ANAPC10: variants seen among roughly 807,000 people sequenced by gnomAD.
ANAPC10 encodes the protein anaphase-promoting complex subunit 10.
Under a neutral mutation model 22.0 loss-of-function variants are expected in ANAPC10, and 12 were observed. That is an observed-to-expected ratio of 0.55 (90% confidence interval 0.35 to 0.88). The LOEUF is 0.88. Among genes scored for constraint, ANAPC10 ranks in the 40% least tolerant of loss-of-function variants. ANAPC10 has a pLI of 0.01. For missense variants in ANAPC10, 188 were observed against 220.9 expected, an observed-to-expected ratio of 0.85 and a Z score of 0.94; for synonymous variants, 65 against 69.5, an observed-to-expected ratio of 0.94 and a Z score of 0.32.
At chr4:145,064,850 A>C (rs1743440621) in intron 3 of ANAPC10, among the ~76,000 whole-genome samples, 158 bp from the exon 4 acceptor site, 1 of 151,968 alleles carries the variant, frequency 6.6e-6, no homozygotes, top group South Asian at 2.1e-4. Context: ...AAATGTAAAA[A>C]TATAGGTCCA....
intron 4 of ANAPC10, among the ~76,000 whole-genome samples, chr4:145,048,639 T>C (rs1327364017): frequency 2.0e-5 from 3 of 152,060 alleles, no homozygotes; most frequent in Admixed American, 2.0e-4. Context: ...TATAGGTCCA[T>C]GGATACTAAG....
At chr4:145,075,807 T>C (rs1745110511) in intron 3 of ANAPC10, among the ~76,000 whole-genome samples, 1 of 152,152 alleles carries the variant, frequency 6.6e-6, no homozygotes, top group South Asian at 2.1e-4. Context: ...CCAGCCTGTG[T>C]GGAGCCCAGA....
At chr4:145,052,529 G>A (rs962802092) in intron 4 of ANAPC10, among the ~76,000 whole-genome samples, 1 of 152,046 alleles carries the variant, frequency 6.6e-6, no homozygotes, top group Non-Finnish European at 1.5e-5. Flanking sequence ...TATTTTTGTT[G>A]TTACTGGTTA....
intron 4 of ANAPC10, among the ~76,000 whole-genome samples, chr4:145,011,524 C>T (rs895568498): frequency 2.0e-5 from 3 of 151,830 alleles, no homozygotes; most frequent in African/African-American, 7.3e-5. Flanking sequence ...GACCAGGATT[C>T]GAGGGAGGAG....
chr4:145,096,233 A>C (rs771776475), intron 1 of ANAPC10, 122 bp from the exon 2 acceptor site: 71 of 1,011,322 alleles, frequency 7.0e-5, no homozygotes, highest in Non-Finnish European at 9.8e-5. Flanking sequence ...TATTCTGAAG[A>C]ATGCAGTTAA....
intron 4 of ANAPC10, among the ~76,000 whole-genome samples, chr4:145,046,792 T>TA (rs370252588): frequency 4.3e-4 from 66 of 151,860 alleles, no homozygotes; most frequent in African/African-American, 1.5e-3. Flanking sequence ...ATATCAACCT[T>TA]AAAAAAAACA....
chr4:145,008,976 G>A (rs970475629), intron 4 of ANAPC10, among the ~76,000 whole-genome samples: 2 of 152,158 alleles, frequency 1.3e-5, no homozygotes, highest in African/African-American at 4.8e-5. Context: ...AAGCTGATAA[G>A]CAACTTCAGC....
intron 4 of ANAPC10, among the ~76,000 whole-genome samples, chr4:145,001,682 A>C (rs1732591947): frequency 1.3e-5 from 2 of 152,130 alleles, no homozygotes; most frequent in Non-Finnish European, 2.9e-5. Flanking sequence ...ATCACTCAAT[A>C]TTCTTTCGTT....
intron 4 of ANAPC10, among the ~76,000 whole-genome samples, chr4:145,044,791 C>A (rs1740048650): frequency 6.6e-6 from 1 of 151,970 alleles, no homozygotes; most frequent in Admixed American, 6.6e-5. Flanking sequence ...ATCTTAGTGA[C>A]ACACTATAGT....
intron 4 of ANAPC10, among the ~76,000 whole-genome samples, chr4:145,024,860 AG>A (rs750450406): frequency 1.3e-5 from 2 of 152,224 alleles, no homozygotes; most frequent in East Asian, 3.8e-4. Context: ...TAGCTATGGA[AG>A]TCGTAGTTGG....
chr4:145,007,678 G>A lies in ANAPC10; in HGVS notation c.328-12075C>T, dbSNP rs147396741. On this transcript the variant is annotated intron_variant, in intron 4 of 4. Transcript: ENST00000507656. ...GAATCTCTGGGACACATTTAAAGCA[G>A]TGTGTAGAGGGAAATTTATAGCACT... is the stretch of plus-strand genomic sequence containing the variant. 8.1e-3 allele frequency among the ~76,000 whole-genome samples: 1,229 copies of A among 152,230 alleles called. 20 individuals carry two copies. The highest frequency in any genetic ancestry group is 0.028 in the African/African-American group (1,146 of 41,540).
chr4:145,061,722 A>T (rs1402893381), intron 4 of ANAPC10, among the ~76,000 whole-genome samples: 1 of 152,222 alleles, frequency 6.6e-6, no homozygotes, highest in Non-Finnish European at 1.5e-5. Context: ...GAAATTTTTA[A>T]TAAAATACAA....
intron 3 of ANAPC10, among the ~76,000 whole-genome samples, chr4:145,067,842 T>A (rs1743933281): frequency 6.6e-6 from 1 of 152,186 alleles, no homozygotes; most frequent in Non-Finnish European, 1.5e-5. Context: ...CCAACTTCCC[T>A]TAAAGTTAGG....
At chr4:145,046,706 A>T (rs535302599) in intron 4 of ANAPC10, among the ~76,000 whole-genome samples, 3 of 152,188 alleles carry the variant, frequency 2.0e-5, no homozygotes, top group African/African-American at 4.8e-5. Context: ...TAATTTTTTT[A>T]AAAATCCAAA....
chr4:145,068,679 A>AGGC (rs1744051059), intron 3 of ANAPC10, among the ~76,000 whole-genome samples: 1 of 152,220 alleles, frequency 6.6e-6, no homozygotes, highest in Non-Finnish European at 1.5e-5. Flanking sequence ...TGGGAGGCTG[A>AGGC]GGCAGGCAGA....
chr4:145,016,514 A>T (rs1368357251), intron 4 of ANAPC10, among the ~76,000 whole-genome samples: 1 of 152,362 alleles, frequency 6.6e-6, no homozygotes, highest in Middle Eastern at 3.4e-3. Flanking sequence ...ATGGATAGGA[A>T]GAATCAATAT....
At chr4:145,064,924 G>T (rs1000275477) in intron 3 of ANAPC10, among the ~76,000 whole-genome samples, 1 of 151,890 alleles carries the variant, frequency 6.6e-6, no homozygotes, top group African/African-American at 2.4e-5. Flanking sequence ...GTAGAACATG[G>T]TCAAGAGCCA....
chr4:145,011,410 T>C (rs970373040), intron 4 of ANAPC10, among the ~76,000 whole-genome samples: 7 of 131,560 alleles, frequency 5.3e-5, no homozygotes, highest in African/African-American at 1.5e-4. Context: ...ATGGAGTAGT[T>C]TGTGGCAAGC....
At chr4:145,027,275 A>G (rs1474966268) in intron 4 of ANAPC10, among the ~76,000 whole-genome samples, 1 of 151,684 alleles carries the variant, frequency 6.6e-6, no homozygotes, top group Non-Finnish European at 1.5e-5. Flanking sequence ...GAGTGCTGAG[A>G]TTACAGGCGT....
Sources: gnomAD v4.1 joint callset for allele counts (sites outside exome capture counted in the v4.1 genomes callset) on GRCh38, gnomAD v4.1.1 for gene constraint, MANE v1.5 for transcripts, NCBI Gene and HGNC (gene_info 2026-07-23, HGNC 2026-07-21) for gene names.